STUM: variants seen among roughly 807,000 people sequenced by gnomAD.
The protein encoded by STUM is stum, mechanosensory transduction mediator homolog.
A neutral mutation model predicts 15.3 loss-of-function variants in STUM; 8 were observed. The ratio of observed to expected loss-of-function variants is 0.52; its 90% CI spans 0.31 to 0.94. The LOEUF (loss-of-function observed/expected upper bound fraction) is 0.94, where lower values mean the gene tolerates loss of function less well. STUM is among the 40% of genes least tolerant of loss of function. STUM has a pLI of 0.05. For missense variants in STUM, 142 were observed against 204.9 expected (o/e 0.69, Z 1.87); for synonymous variants, 78 against 88.7 (o/e 0.88, Z 0.68).
At chr1:226,593,502 C>T (rs777848576) in intron 1 of STUM, among the ~76,000 whole-genome samples, 7 of 152,182 alleles carry the variant, frequency 4.6e-5, no homozygotes, top group Non-Finnish European at 8.8e-5. Context: ...GCCTCCTTCT[C>T]CTCTGTCAGG....
At position 226,561,957 on chromosome 1, in the gene STUM, T is replaced by C. The variant is rs553460328; in HGVS notation, c.202+12851T>C. Among the ~76,000 whole-genome samples, 14 of 143,478 alleles carry C rather than the reference T, an allele frequency of 9.8e-5. No individual in the cohort carries two copies. In the South Asian group the frequency reaches 3.1e-3, roughly 31 times the overall value. 94.1% of individuals were successfully genotyped at this position (143,478 alleles called of 152,430 possible). A position where few individuals can be genotyped will look rare whatever the true frequency, so the allele number is the denominator to read the frequency against. ...CATGCATTGTGTGATTCCACTGATA[T>C]GAAATTTCCACAGTGGGCAAATCTG... On this transcript the variant is annotated intron_variant, in intron 1 of 3. Coordinates refer to ENST00000366788, the MANE Select transcript of STUM (RefSeq NM_001003665.4).
chr1:226,568,981 C>T (rs1318655832), intron 1 of STUM, among the ~76,000 whole-genome samples: 2 of 152,074 alleles, frequency 1.3e-5, no homozygotes, highest in African/African-American at 4.8e-5. Context: ...TGTGCCCACA[C>T]ACAAGGGGAC....
rs1003874721 is a variant in STUM, at chr1:226,604,273, T to A, written c.*2233T>A. 6.6e-6 allele frequency: 1 copy of A among 152,230 alleles called. No individual in the cohort carries two copies. Among genetic ancestry groups the A allele is most frequent in the African/African-American group, 2.4e-5 (1 of 41,432 alleles). 9.4% of individuals were successfully genotyped at this position (152,230 alleles called of 1,614,324 possible). A position where few individuals can be genotyped will look rare whatever the true frequency, so the allele number is the denominator to read the frequency against. On this transcript the variant is annotated 3_prime_UTR_variant, in exon 4 of 4. Coordinates refer to ENST00000366788, the MANE Select transcript of STUM (RefSeq NM_001003665.4). The surrounding 1 kb of genome is among the most constrained non-coding windows in gnomAD (Gnocchi z 4.7). Reference sequence around the variant, plus strand: ...AATCCAGATGCAGGTGGGACTTTCTTGAGTGGCAGGTGTCACCCTGGGTCC... The same window carrying A: ...AATCCAGATGCAGGTGGGACTTTCTAGAGTGGCAGGTGTCACCCTGGGTCC...
chr1:226,566,570 A>T (rs1276218429), intron 1 of STUM, among the ~76,000 whole-genome samples: 1 of 152,044 alleles, frequency 6.6e-6, no homozygotes, highest in Non-Finnish European at 1.5e-5. Flanking sequence ...CAGGTCTCTT[A>T]CCCACATTTT....
chr1:226,564,817 A>G (rs1671108404), intron 1 of STUM, among the ~76,000 whole-genome samples: 1 of 152,152 alleles, frequency 6.6e-6, no homozygotes. Flanking sequence ...ATTCCAGCTC[A>G]TCCTGTTGAT....
chr1:226,560,066 G>A (rs1667516021), intron 1 of STUM, among the ~76,000 whole-genome samples: 1 of 152,190 alleles, frequency 6.6e-6, no homozygotes. Flanking sequence ...TTGAACCTGG[G>A]AGGTGGAGGT....
At chr1:226,562,284 C>T (rs138936870) in intron 1 of STUM, among the ~76,000 whole-genome samples, 2,038 of 151,950 alleles carry the variant, frequency 0.013, 43 homozygotes, top group African/African-American at 0.042. Context: ...GCCTGGCCAG[C>T]GTGATGAAAC....
intron 2 of STUM, among the ~76,000 whole-genome samples, chr1:226,598,698 G>T (rs970765438): frequency 1.3e-5 from 2 of 152,174 alleles, no homozygotes; most frequent in African/African-American, 4.8e-5. Flanking sequence ...CTGGTGTGGG[G>T]CACTAACTGG....
rs1423286836 is a variant in STUM, at chr1:226,602,146, TG to T, written c.*111del. On this transcript the variant is annotated 3_prime_UTR_variant, in exon 4 of 4. Transcript: ENST00000366788. Reference sequence around the variant, plus strand: ...TGTTCTTTTCTGCCATTTTCTGGACTGGGGGTGGAAAGGGGGTATTTTTAAA... The same window carrying T: ...TGTTCTTTTCTGCCATTTTCTGGACTGGGGTGGAAAGGGGGTATTTTTAAA... The T allele has an allele frequency of 1.2e-6, 1 of 803,256 alleles. No homozygotes were observed. Among genetic ancestry groups the T allele is most frequent in the Admixed American group, 2.5e-5 (1 of 40,110 alleles). 49.8% of individuals were successfully genotyped at this position (803,256 alleles called of 1,614,324 possible). A position where few individuals can be genotyped will look rare whatever the true frequency, so the allele number is the denominator to read the frequency against.
At chr1:226,560,820 C>T (rs1571795204) in intron 1 of STUM, among the ~76,000 whole-genome samples, 1 of 152,194 alleles carries the variant, frequency 6.6e-6, no homozygotes, top group East Asian at 1.9e-4. Context: ...TGTCTCAGCT[C>T]TGATCATTAG....
chr1:226,586,023 T>C (rs1240793857), intron 1 of STUM, among the ~76,000 whole-genome samples: 1 of 151,908 alleles, frequency 6.6e-6, no homozygotes, highest in Non-Finnish European at 1.5e-5. Context: ...TATAAGGGCA[T>C]CAATTCCATC....
At chr1:226,572,521 C>CGATGAGCA (rs1558281225) in intron 1 of STUM, among the ~76,000 whole-genome samples, 2 of 152,138 alleles carry the variant, frequency 1.3e-5, no homozygotes, top group Non-Finnish European at 2.9e-5. Context: ...CACAGTTTTA[C>CGATGAGCA]GATGAGCAGA....
rs548602045 is a variant in STUM at position 226,602,284 on chromosome 1, G to A, written c.*244G>A. On this transcript the variant is annotated 3_prime_UTR_variant, in exon 4 of 4. Transcript: ENST00000366788. Reference sequence around the variant, plus strand: ...CGCAGGCACCAGAGCATCAGAGAGTGGGGTGGAGATGAGAACGCCCACAGA... The same window carrying A: ...CGCAGGCACCAGAGCATCAGAGAGTAGGGTGGAGATGAGAACGCCCACAGA... 3.7e-6 allele frequency: 2 copies of A among 534,148 alleles called. No individual in the cohort carries two copies. The highest frequency in any genetic ancestry group is 3.1e-5 in the East Asian group (1 of 32,434). 33.1% of individuals were successfully genotyped at this position (534,148 alleles called of 1,614,324 possible).
intron 1 of STUM, among the ~76,000 whole-genome samples, chr1:226,595,763 G>T (rs1055458174): frequency 9.2e-5 from 14 of 152,294 alleles, no homozygotes; most frequent in African/African-American, 3.4e-4. Flanking sequence ...CGGTGATGAT[G>T]GAGGAAGGGG....
intron 1 of STUM, 90 bp from the exon 2 acceptor site, chr1:226,596,712 T>G (rs1668185544): frequency 4.2e-6 from 5 of 1,183,852 alleles, no homozygotes; most frequent in Non-Finnish European, 6.1e-6. Flanking sequence ...TCTTGGAGGG[T>G]GGACAGCTGG....
At chr1:226,559,168 C>T (rs1441165392) in intron 1 of STUM, among the ~76,000 whole-genome samples, 1 of 152,158 alleles carries the variant, frequency 6.6e-6, no homozygotes, top group African/African-American at 2.4e-5. Flanking sequence ...TGGCCAGAGC[C>T]CCCTGTTGAG....
chr1:226,573,337 C>T (rs943496730), intron 1 of STUM, among the ~76,000 whole-genome samples: 7 of 152,260 alleles, frequency 4.6e-5, no homozygotes, highest in Middle Eastern at 3.4e-3. Context: ...CAGATGGTGG[C>T]GGGTTAGTCA....
At chr1:226,593,149 G>A (rs1668117071) in intron 1 of STUM, among the ~76,000 whole-genome samples, 1 of 138,644 alleles carries the variant, frequency 7.2e-6, no homozygotes, top group South Asian at 2.3e-4. Context: ...TCACACCACT[G>A]CACCCCAGCC....
intron 1 of STUM, among the ~76,000 whole-genome samples, chr1:226,566,710 C>G (rs973170956): frequency 6.6e-6 from 1 of 152,104 alleles, no homozygotes; most frequent in African/African-American, 2.4e-5. Context: ...GATCAAGAGC[C>G]CTTTTAACTG....
Sources: allele counts gnomAD v4.1 joint callset (sites outside exome capture counted in the v4.1 genomes callset), GRCh38; gene constraint gnomAD v4.1.1; non-coding constraint Gnocchi (gnomAD v3.1); transcripts MANE v1.5; gene names NCBI Gene and HGNC (gene_info 2026-07-23, HGNC 2026-07-21).